The following FBXL13 variants were observed in gnomAD, a reference collection of about 807,000 sequenced individuals.
FBXL13 encodes the protein F-box and leucine rich repeat protein 13, also known as F-box and leucine-rich repeat protein 13.
Under a neutral mutation model 83.6 loss-of-function variants are expected in FBXL13, and 67 were observed. The observed-to-expected ratio is 0.80, with a 90% confidence interval of 0.66 to 0.98. The LOEUF is 0.98. FBXL13 is among the 50% of genes least tolerant of loss of function. FBXL13 has a pLI of 0.00. For synonymous variants in FBXL13, 272 were observed against 299.5 expected (o/e 0.91, Z 0.95); for missense variants, 822 against 866.5 (o/e 0.95, Z 0.64).
At chr7:102,927,299 C>T (rs956475586) in intron 9 of FBXL13, among the ~76,000 whole-genome samples, 7 of 152,098 alleles carry the variant, frequency 4.6e-5, no homozygotes, top group African/African-American at 9.7e-5. Flanking sequence ...CAATGTTTGA[C>T]GCTACATCAG....
Position 103,060,035 on chromosome 7 carries a change from T to TACACATATATATACACATATATATATAC in FBXL13, c.-104-4289_-104-4288insGTATATATATATGTGTATATATATGTGT, listed in dbSNP as rs1563286374. 1.0e-3 allele frequency among the ~76,000 whole-genome samples: 93 copies of TACACATATATATACACATATATATATAC among 91,894 alleles called. 3 individuals carry two copies. Among genetic ancestry groups the TACACATATATATACACATATATATATAC allele is most frequent in the African/African-American group, 4.5e-3 (91 of 20,286 alleles). 60.3% of individuals were successfully genotyped at this position (91,894 alleles called of 152,430 possible). On this transcript the variant is annotated intron_variant, in intron 1 of 19. Coordinates refer to ENST00000313221, the Ensembl canonical transcript of FBXL13. ...GCAAGATATTTTATATATATATATA[T>TACACATATATATACACATATATATATAC]ATATATATATATATATATATATATA...
At chr7:102,914,869 G>C (rs567812010) in intron 10 of FBXL13, among the ~76,000 whole-genome samples, 1 of 152,258 alleles carries the variant, frequency 6.6e-6, no homozygotes, top group African/African-American at 2.4e-5. Context: ...CCTCTCCCTG[G>C]GGTACACCCT....
intron 16 of FBXL13, among the ~76,000 whole-genome samples, chr7:102,861,006 T>C (rs1042211438): frequency 6.6e-6 from 1 of 151,792 alleles, no homozygotes; most frequent in Non-Finnish European, 1.5e-5. Flanking sequence ...CACATATATA[T>C]ATACACACAA....
At chr7:102,902,255 C>A (rs1324176881) in intron 11 of FBXL13, among the ~76,000 whole-genome samples, 1 of 152,126 alleles carries the variant, frequency 6.6e-6, no homozygotes, top group Non-Finnish European at 1.5e-5. Flanking sequence ...TCTATTGCAT[C>A]ATTTGCCCAT....
In FBXL13 at chr7:102,942,698, G is replaced by A. The variant is rs75956408; in HGVS notation, c.725-10765C>T. On this transcript the variant is annotated intron_variant, in intron 8 of 19. Coordinates refer to ENST00000313221, the Ensembl canonical transcript of FBXL13. Reference sequence around the variant, plus strand: ...AGGGCTGATCTTTTGTCCCCTACCCGCAAGACATTGCTTGGTACCAAAATA... The same window carrying A: ...AGGGCTGATCTTTTGTCCCCTACCCACAAGACATTGCTTGGTACCAAAATA... Among the ~76,000 whole-genome samples, 1,199 of 152,154 alleles carry A rather than the reference G, an allele frequency of 7.9e-3. 86 individuals carry two copies. The East Asian group carries it at 0.16, about 20-fold the overall frequency.
chr7:102,963,517 T>C lies in FBXL13; in HGVS notation c.724+16A>G. 6.2e-7 allele frequency: 1 copy of C among 1,606,718 alleles called. No homozygotes were observed. ...TACAGGAAAGCAAGACAAATAGTTG[T>C]AATGAACATACTTACTGACAGATCT... On this transcript the variant is annotated intron_variant, in intron 8 of 19. Transcript: ENST00000313221.
At chr7:102,824,785 C>CTT (rs57237364) in intron 18 of FBXL13, among the ~76,000 whole-genome samples, 11 of 124,060 alleles carry the variant, frequency 8.9e-5, no homozygotes, top group African/African-American at 2.2e-4. Flanking sequence ...CATGCCCGGC[C>CTT]TTTTTTTTTT....
chr7:102,997,553 A>T (rs1394314733), intron 6 of FBXL13, among the ~76,000 whole-genome samples: 1 of 152,028 alleles, frequency 6.6e-6, no homozygotes, highest in Admixed American at 6.6e-5. Context: ...CCATTAACTA[A>T]CCACTCTCTA....
rs181564786 is a variant in FBXL13 at position 103,051,467 on chromosome 7, G to A, written c.-1+4177C>T. 2.1e-3 allele frequency among the ~76,000 whole-genome samples: 321 copies of A among 152,248 alleles called. 1 individual carries two copies. Among genetic ancestry groups the A allele is most frequent in the Non-Finnish European group, 3.6e-3 (245 of 68,022 alleles). On this transcript the variant is annotated intron_variant, in intron 2 of 19. Coordinates refer to ENST00000313221, the Ensembl canonical transcript of FBXL13. ...AAATCCATGGAGCTCTGAAATCCGA[G>A]AGAGAGCTTACCCACGATCCCCAGC...
intron 8 of FBXL13, among the ~76,000 whole-genome samples, chr7:102,941,790 T>G (rs192743567): frequency 6.6e-6 from 1 of 152,114 alleles, no homozygotes; most frequent in East Asian, 1.9e-4. Context: ...TGTCCTAAGT[T>G]AAATGTATTA....
chr7:102,942,738 TA>T (rs1821712167), intron 8 of FBXL13, among the ~76,000 whole-genome samples: 1 of 152,176 alleles, frequency 6.6e-6, no homozygotes, highest in African/African-American at 2.4e-5. Context: ...GTTATTTTTT[TA>T]AGGGGGAATT....
At chr7:102,813,410 A>T in exon 20 of FBXL13, 1 of 1,614,080 alleles carries the variant, frequency 6.2e-7, no homozygotes, top group Non-Finnish European at 8.5e-7. Flanking sequence ...CCTTTAGATG[A>T]TGTTATGTTG....
At chr7:103,005,444 T>C (rs184003768) in intron 6 of FBXL13, among the ~76,000 whole-genome samples, 28 of 152,134 alleles carry the variant, frequency 1.8e-4, no homozygotes, top group Non-Finnish European at 3.7e-4. Flanking sequence ...TGATGAAAAT[T>C]AAAGAGTTGT....
rs1798400686 is a variant in FBXL13 at position 102,818,883 on chromosome 7, G to T, written c.2018+3157C>A. Among the ~76,000 whole-genome samples, 3 of 152,060 alleles carry T rather than the reference G, an allele frequency of 2.0e-5. No homozygotes were observed. In the South Asian group the frequency reaches 6.2e-4, roughly 32 times the overall value. On this transcript the variant is annotated intron_variant, in intron 19 of 19. Transcript: ENST00000313221. ...GTGTGCCATGGTGTTTTGCTGCACA[G>T]ATCATTCCATCACCCAGGTATTAAG...
At chr7:102,980,004 A>T (rs1307589393) in intron 6 of FBXL13, among the ~76,000 whole-genome samples, 1 of 152,198 alleles carries the variant, frequency 6.6e-6, no homozygotes, top group Non-Finnish European at 1.5e-5. Context: ...CAAAGAACAG[A>T]CCCTACAAAC....
At chr7:102,931,734 T>C in intron 9 of FBXL13, 147 bp downstream of exon 10, 1 of 645,484 alleles carries the variant, frequency 1.5e-6, no homozygotes, top group Non-Finnish European at 2.6e-6. Flanking sequence ...GCAGATGGAG[T>C]AAAATTTCTT....
chr7:102,934,822 G>T, intron 8 of FBXL13: 1 of 829,668 alleles, frequency 1.2e-6, no homozygotes, highest in Non-Finnish European at 1.8e-6. Context: ...ATTGACAATG[G>T]AATTTACCAC....
intron 1 of FBXL13, among the ~76,000 whole-genome samples, chr7:103,072,500 G>A (rs1055633090): frequency 1.3e-5 from 2 of 152,104 alleles, no homozygotes; most frequent in Non-Finnish European, 2.9e-5. Context: ...GGGGAACTGG[G>A]GACTGCCTCA....
At chr7:102,860,128 A>G (rs1242940459) in intron 16 of FBXL13, among the ~76,000 whole-genome samples, 1 of 152,202 alleles carries the variant, frequency 6.6e-6, no homozygotes, top group Non-Finnish European at 1.5e-5. Flanking sequence ...ACATTATTCT[A>G]AGGAATCTGG....
Sources: allele counts gnomAD v4.1 joint callset (sites outside exome capture counted in the v4.1 genomes callset), GRCh38; gene constraint gnomAD v4.1.1; transcripts MANE v1.5; gene names NCBI Gene and HGNC (gene_info 2026-07-23, HGNC 2026-07-21).